Variants in ABCG2 observed in about 807,000 individuals in gnomAD.
ABCG2 encodes ATP binding cassette subfamily G member 2 (JR blood group), also known as broad substrate specificity ATP-binding cassette transporter ABCG2.
In ABCG2, 80 loss-of-function variants were observed where a neutral mutation model predicts 73.5. That is an observed-to-expected ratio of 1.09 (90% CI 0.91 to 1.31). ABCG2 has a LOEUF of 1.31. Among genes scored for constraint, ABCG2 ranks in the 50% most tolerant of loss-of-function variants. The probability of loss-of-function intolerance (pLI) is 0.00; values close to 1 mark genes in which losing one functional copy is unlikely to be tolerated. For synonymous variants in ABCG2, 269 were observed against 282.4 expected, an observed-to-expected ratio of 0.95 and a Z score of 0.48; for missense variants, 796 against 786.2, an observed-to-expected ratio of 1.01 and a Z score of -0.15.
chr4:88,137,079 C>G (rs1396205049), intron 2 of ABCG2, among the ~76,000 whole-genome samples: 1 of 132,154 alleles, frequency 7.6e-6, no homozygotes, highest in African/African-American at 2.6e-5. Context: ...GGAGATATAT[C>G]CAAAGAATGA....
chr4:88,228,694 T>C (rs1347129596), intron 1 of ABCG2, among the ~76,000 whole-genome samples: 1 of 152,182 alleles, frequency 6.6e-6, no homozygotes, highest in Non-Finnish European at 1.5e-5. Flanking sequence ...TGGAGAACTT[T>C]TCTGTCTAGC....
chr4:88,181,136 TC>T (rs1728217515), intron 1 of ABCG2, among the ~76,000 whole-genome samples: 1 of 152,058 alleles, frequency 6.6e-6, no homozygotes, highest in Non-Finnish European at 1.5e-5. Flanking sequence ...GTGCGGTGGC[TC>T]ACGCCTGTAA....
upstream of ABCG2, among the ~76,000 whole-genome samples, chr4:88,162,578 C>T (rs1727360792): frequency 1.3e-5 from 2 of 152,062 alleles, no homozygotes; most frequent in Admixed American, 1.3e-4. Flanking sequence ...TAACCTCATC[C>T]TAATATTTTA....
At chr4:88,101,612 T>C (rs1180418760) in intron 10 of ABCG2, among the ~76,000 whole-genome samples, 7 of 152,106 alleles carry the variant, frequency 4.6e-5, no homozygotes, top group African/African-American at 1.7e-4. Flanking sequence ...TGTGATGGTA[T>C]TTGAAGATGG....
intron 1 of ABCG2, among the ~76,000 whole-genome samples, chr4:88,195,752 C>T (rs1446658461): frequency 6.6e-6 from 1 of 152,146 alleles, no homozygotes; most frequent in Admixed American, 6.5e-5. Flanking sequence ...GTCCCTTCTC[C>T]CCTGATTCTT....
chr4:88,149,542 G>T (rs773476120), intron 1 of ABCG2, among the ~76,000 whole-genome samples: 3 of 152,130 alleles, frequency 2.0e-5, no homozygotes, highest in Non-Finnish European at 4.4e-5. Context: ...GCCTCTCCAA[G>T]CCTGTTTCTC....
chr4:88,179,716 T>C (rs1240272201), intron 1 of ABCG2, among the ~76,000 whole-genome samples: 2 of 152,150 alleles, frequency 1.3e-5, no homozygotes, highest in East Asian at 3.8e-4. Context: ...GTCCTAAAAA[T>C]GTAACAAAAC....
At chr4:88,159,342 GA>G, upstream of ABCG2, 1 of 386,902 alleles carries the variant, frequency 2.6e-6, no homozygotes, top group South Asian at 1.9e-5. Flanking sequence ...TGGTGAATGG[GA>G]TTCTGAGAAA....
intron 1 of ABCG2, among the ~76,000 whole-genome samples, chr4:88,169,255 A>G (rs138337323): frequency 0.045 from 6,836 of 152,128 alleles, 252 homozygotes; most frequent in South Asian, 0.12. Context: ...CATGTTGGCC[A>G]GGCTGGTCTG....
chr4:88,124,977 CA>C (rs1200492024), intron 5 of ABCG2, among the ~76,000 whole-genome samples: 14 of 152,128 alleles, frequency 9.2e-5, no homozygotes, highest in Non-Finnish European at 1.6e-4. Flanking sequence ...ACATTGCAAT[CA>C]AATTAGAACT....
chr4:88,201,310 A>C (rs1013279738), intron 1 of ABCG2, among the ~76,000 whole-genome samples: 1 of 152,054 alleles, frequency 6.6e-6, no homozygotes, highest in Non-Finnish European at 1.5e-5. Context: ...TTTTTTAAAA[A>C]AAGAGTGGAC....
intron 1 of ABCG2, among the ~76,000 whole-genome samples, chr4:88,199,945 T>C (rs1428739717): frequency 1.3e-5 from 2 of 152,236 alleles, no homozygotes; most frequent in Admixed American, 1.3e-4. Context: ...GAGCTTGCAG[T>C]GAGCAAGATC....
chr4:88,220,438 G>C (rs1729973490), intron 1 of ABCG2: 1 of 152,228 alleles, frequency 6.6e-6, no homozygotes. Context: ...CAGTGCACAA[G>C]AGTTCCAATC....
At chr4:88,165,729 G>C (rs1323703241) in intron 1 of ABCG2, among the ~76,000 whole-genome samples, 2 of 152,058 alleles carry the variant, frequency 1.3e-5, no homozygotes, top group Admixed American at 6.6e-5. Flanking sequence ...CAAAAATTAA[G>C]CGGGCATGGT....
chr4:88,202,480 G>A (rs1159361464), intron 1 of ABCG2, among the ~76,000 whole-genome samples: 3 of 150,392 alleles, frequency 2.0e-5, no homozygotes, highest in African/African-American at 7.3e-5. Context: ...TTTGAAAGGT[G>A]AGAAAAATGG....
chr4:88,172,561 G>A (rs7673953), intron 1 of ABCG2, among the ~76,000 whole-genome samples: 35,377 of 145,158 alleles, frequency 0.24, 5,544 homozygotes, highest in African/African-American at 0.46. Context: ...CTGGGAGACA[G>A]AGCAAGACTC....
upstream of ABCG2, among the ~76,000 whole-genome samples, chr4:88,162,133 G>T (rs1483554988): frequency 6.6e-6 from 1 of 152,050 alleles, no homozygotes; most frequent in East Asian, 1.9e-4. Context: ...GATTGCTTGA[G>T]CCCCGGGGTT....
chr4:88,144,449 C>CTT (rs59434855), intron 1 of ABCG2, among the ~76,000 whole-genome samples: 3,055 of 77,614 alleles, frequency 0.039, 106 homozygotes, highest in African/African-American at 0.064. Flanking sequence ...CACATTTTTA[C>CTT]TTTTTTTTTT....
At chr4:88,126,463 A>C (rs1026456346) in intron 5 of ABCG2, among the ~76,000 whole-genome samples, 3 of 152,328 alleles carry the variant, frequency 2.0e-5, no homozygotes, top group Admixed American at 1.3e-4. Flanking sequence ...AACCTGGCAG[A>C]GACACAACAA....
Sources: gnomAD v4.1 joint callset for allele counts (sites outside exome capture counted in the v4.1 genomes callset) on GRCh38, gnomAD v4.1.1 for gene constraint, MANE v1.5 for transcripts, NCBI Gene and HGNC (gene_info 2026-07-23, HGNC 2026-07-21) for gene names.